GHR: variants seen among roughly 807,000 people sequenced by gnomAD.
GHR encodes GH receptor.
In GHR, 35 loss-of-function variants were observed where a neutral mutation model predicts 67.1. The ratio of observed to expected loss-of-function variants is 0.52; its 90% CI spans 0.40 to 0.69. The LOEUF is 0.69. GHR is among the 30% of genes least tolerant of loss of function. GHR has a pLI of 0.00. For synonymous variants in GHR, 272 were observed against 269.1 expected (o/e 1.01, Z -0.10); for missense variants, 792 against 764.6 (o/e 1.04, Z -0.42).
At chr5:42,669,602 T>C (rs1451141392) in intron 3 of GHR, among the ~76,000 whole-genome samples, 6 of 152,150 alleles carry the variant, frequency 3.9e-5, no homozygotes, top group African/African-American at 7.2e-5. Context: ...AAGGCTCTAG[T>C]GGTAGCAAGC....
At chr5:42,550,461 T>G (rs1748968606) in intron 1 of GHR, among the ~76,000 whole-genome samples, 1 of 152,106 alleles carries the variant, frequency 6.6e-6, no homozygotes, top group African/African-American at 2.4e-5. Flanking sequence ...GGAAAGCCCA[T>G]TTATCTTAAG....
chr5:42,600,575 A>G lies in GHR; in HGVS notation c.71-28463A>G, dbSNP rs114328917. Among the ~76,000 whole-genome samples the G allele has an allele frequency of 4.3e-3, 661 of 152,346 alleles. 4 individuals carry two copies. The highest frequency in any genetic ancestry group is 0.015 in the African/African-American group (638 of 41,572). On this transcript the variant is annotated intron_variant, in intron 2 of 9. Coordinates refer to ENST00000230882, the MANE Select transcript of GHR (RefSeq NM_000163.5). ...AAGCTCCTGGCCTGGAGCACCTGCA[A>G]CATCTGAAACAAGAAATCCTTCATT...
chr5:42,680,798 C>T (rs554645290), intron 3 of GHR, among the ~76,000 whole-genome samples: 2 of 152,160 alleles, frequency 1.3e-5, no homozygotes, highest in East Asian at 3.9e-4. Flanking sequence ...AGCCACTGCT[C>T]CCAGCCCCAA....
At chr5:42,545,378 A>G (rs552562575) in intron 1 of GHR, among the ~76,000 whole-genome samples, 13 of 152,326 alleles carry the variant, frequency 8.5e-5, no homozygotes, top group African/African-American at 2.9e-4. Flanking sequence ...ATAAAAAATA[A>G]TAAGAGACAA....
At chr5:42,687,539 G>C (rs1050137871) in intron 3 of GHR, among the ~76,000 whole-genome samples, 3 of 152,102 alleles carry the variant, frequency 2.0e-5, no homozygotes, top group African/African-American at 7.2e-5. Context: ...CAAAATTTGC[G>C]TTTAATAATG....
At chr5:42,466,307 A>G (rs1744733812) in intron 1 of GHR, among the ~76,000 whole-genome samples, 1 of 152,234 alleles carries the variant, frequency 6.6e-6, no homozygotes, top group Admixed American at 6.5e-5. Flanking sequence ...GTAAGGAAAA[A>G]GGCCATTTCC....
At chr5:42,581,589 C>A (rs984114484) in intron 2 of GHR, among the ~76,000 whole-genome samples, 2 of 152,220 alleles carry the variant, frequency 1.3e-5, no homozygotes, top group Admixed American at 6.5e-5. Flanking sequence ...TTAGAATAAG[C>A]TGGAAGTTTT....
chr5:42,584,305 T>A (rs1751357130), intron 2 of GHR, among the ~76,000 whole-genome samples: 1 of 152,168 alleles, frequency 6.6e-6, no homozygotes, highest in Admixed American at 6.5e-5. Context: ...TCAGTGTGTC[T>A]CTGCATAATC....
At chr5:42,677,955 A>G (rs1486509646) in intron 3 of GHR, among the ~76,000 whole-genome samples, 1 of 152,218 alleles carries the variant, frequency 6.6e-6, no homozygotes, top group Non-Finnish European at 1.5e-5. Flanking sequence ...CCTAGGTAAC[A>G]ACAGTTAACA....
At chr5:42,572,810 G>A (rs1343240089) in intron 2 of GHR, among the ~76,000 whole-genome samples, 1 of 152,206 alleles carries the variant, frequency 6.6e-6, no homozygotes, top group Non-Finnish European at 1.5e-5. Flanking sequence ...CAGGGGAAAT[G>A]TTTCAGGATG....
intron 1 of GHR, among the ~76,000 whole-genome samples, chr5:42,480,462 G>C (rs1414943279): frequency 6.6e-6 from 1 of 152,106 alleles, no homozygotes; most frequent in African/African-American, 2.4e-5. Flanking sequence ...CTGTCTCGTT[G>C]ATCTGTCTAA....
chr5:42,444,456 G>A (rs1278458480), intron 1 of GHR, among the ~76,000 whole-genome samples: 2 of 152,120 alleles, frequency 1.3e-5, no homozygotes, highest in Admixed American at 6.5e-5. Context: ...CCTGGGTTGG[G>A]GCAGAAGCAA....
chr5:42,466,822 G>A (rs563113186), intron 1 of GHR: 47 of 1,138,234 alleles, frequency 4.1e-5, no homozygotes, highest in Non-Finnish European at 5.3e-5. Flanking sequence ...AAACAGCAAA[G>A]AGGTGTCTCA....
intron 3 of GHR, among the ~76,000 whole-genome samples, chr5:42,660,058 G>A (rs1203714318): frequency 2.0e-5 from 3 of 152,202 alleles, no homozygotes; most frequent in Admixed American, 1.3e-4. Flanking sequence ...GCTGGGGGAG[G>A]GGCGCCAGGC....
At chr5:42,631,589 A>G (rs1297344698) in intron 3 of GHR, among the ~76,000 whole-genome samples, 1 of 152,182 alleles carries the variant, frequency 6.6e-6, no homozygotes, top group Non-Finnish European at 1.5e-5. Context: ...GCCCTGAGGG[A>G]GACAGAGTAA....
chr5:42,487,491 G>T (rs1028451842), intron 1 of GHR, among the ~76,000 whole-genome samples: 3 of 152,132 alleles, frequency 2.0e-5, no homozygotes, highest in Non-Finnish European at 4.4e-5. Flanking sequence ...CGTTTCATCA[G>T]TAGGATTAAA....
At chr5:42,645,833 C>T (rs907223206) in intron 3 of GHR, among the ~76,000 whole-genome samples, 1 of 152,204 alleles carries the variant, frequency 6.6e-6, no homozygotes, top group African/African-American at 2.4e-5. Flanking sequence ...CCCTCAGTTT[C>T]GCTGACCGAT....
At chr5:42,642,239 C>T (rs144362401) in intron 3 of GHR, among the ~76,000 whole-genome samples, 33 of 152,230 alleles carry the variant, frequency 2.2e-4, no homozygotes, top group Admixed American at 4.6e-4. Flanking sequence ...AGAATGAGAA[C>T]GCCCTTCTAG....
At chr5:42,561,863 G>C (rs1749627110) in intron 1 of GHR, among the ~76,000 whole-genome samples, 1 of 152,140 alleles carries the variant, frequency 6.6e-6, no homozygotes, top group Non-Finnish European at 1.5e-5. Flanking sequence ...AGTGGGCTAA[G>C]GTCCAATTTA....
Sources: gnomAD v4.1 joint callset for allele counts (sites outside exome capture counted in the v4.1 genomes callset) on GRCh38, gnomAD v4.1.1 for gene constraint, MANE v1.5 for transcripts, NCBI Gene and HGNC (gene_info 2026-07-23, HGNC 2026-07-21) for gene names.